GAL: variants seen among roughly 807,000 people sequenced by gnomAD.
The protein encoded by GAL is galanin and GMAP prepropeptide, also known as galanin peptides.
A neutral mutation model predicts 15.8 loss-of-function variants in GAL; 14 were observed. The observed-to-expected ratio is 0.89, with a 90% CI of 0.59 to 1.39. The LOEUF (loss-of-function observed/expected upper bound fraction) is 1.39. GAL is among the 40% of genes most tolerant of loss of function. The probability of loss-of-function intolerance (pLI) is 0.00; values close to 1 mark genes in which losing one functional copy is unlikely to be tolerated. For synonymous variants in GAL, 79 were observed against 73.8 expected, an observed-to-expected ratio of 1.07 and a Z score of -0.36; for missense variants, 176 against 170.4, an observed-to-expected ratio of 1.03 and a Z score of -0.18.
intron 3 of GAL, among the ~76,000 whole-genome samples, chr11:68,685,927 G>C (rs1232407826): frequency 6.6e-6 from 1 of 152,172 alleles, no homozygotes; most frequent in Non-Finnish European, 1.5e-5. Context: ...TACAGGCCCT[G>C]TTCTGGGCCT....
chr11:68,685,473 G>A, intron 2 of GAL, 121 bp from the exon 3 acceptor site: 6 of 707,254 alleles, frequency 8.5e-6, no homozygotes, highest in Non-Finnish European at 1.6e-5. Flanking sequence ...AATTTCGCGA[G>A]CTATCCAAAA....
At chr11:68,688,411 C>T (rs950451678) in intron 4 of GAL, among the ~76,000 whole-genome samples, 9 of 152,188 alleles carry the variant, frequency 5.9e-5, no homozygotes, top group African/African-American at 2.2e-4. Flanking sequence ...GGTGGATCAC[C>T]TGAGGTCTGG....
At position 68,691,009 on chromosome 11, in the gene GAL, C is replaced by G. The variant is rs1157033676; in HGVS notation, c.*22C>G. The G allele has an allele frequency of 6.7e-7, 1 of 1,487,176 alleles. No homozygotes were observed. Among genetic ancestry groups the G allele is most frequent in the South Asian group, 1.1e-5 (1 of 88,636 alleles). 92.1% of individuals were successfully genotyped at this position (1,487,176 alleles called of 1,614,324 possible). ...CTGAGAGCCTCCTGGGCATGTTTGT[C>G]TGTGTGCTGTAACCTGAAGTCAAAC... On this transcript the variant is annotated 3_prime_UTR_variant, in exon 6 of 6. Transcript: ENST00000265643.
intron 5 of GAL, among the ~76,000 whole-genome samples, chr11:68,689,581 GAGGCTGGGGTTCATCATGTTGGCC>G (rs1945886897): frequency 6.6e-6 from 1 of 152,142 alleles, no homozygotes; most frequent in African/African-American, 2.4e-5. Context: ...ATTTTTAGTA[GAGGCTGGGGTTCATCATGTTGGCC>G]AGGCTCATCT....
At chr11:68,687,608 G>T (rs1945865901) in intron 3 of GAL, among the ~76,000 whole-genome samples, 1 of 152,114 alleles carries the variant, frequency 6.6e-6, no homozygotes, top group Non-Finnish European at 1.5e-5. Context: ...CGTCCCCCAT[G>T]CTTTCAGGGA....
rs944932742 is a variant in GAL, at chr11:68,688,700, A to G, written c.224-149A>G. On this transcript the variant is annotated intron_variant, in intron 4 of 5. Coordinates refer to ENST00000265643, the MANE Select transcript of GAL (RefSeq NM_015973.5). ...TCTCCCCAACTCCCTCACATTGAAC[A>G]AGGGCCTTGGAAAGCACAGCAGGGC... The G allele has an allele frequency of 4.9e-6, 3 of 608,964 alleles. No homozygotes were observed. In the African/African-American group the frequency reaches 5.6e-5, roughly 11 times the overall value. 37.7% of individuals were successfully genotyped at this position (608,964 alleles called of 1,614,324 possible).
At chr11:68,690,821 G>T in intron 5 of GAL, 96 bp from the exon 6 acceptor site, 2 of 808,960 alleles carry the variant, frequency 2.5e-6, no homozygotes, top group South Asian at 1.4e-5. Context: ...TACAGAGGAC[G>T]ACCACACGCC....
rs80069040 is a variant in GAL, at chr11:68,691,116, C to T, written c.*129C>T. ...CTTTGCCTTGATGTTGTGTTGTTAT[C>T]ATTTAAGATTTTTTTTTTTTGGTAA... is the stretch of plus-strand genomic sequence containing the variant. On this transcript the variant is annotated 3_prime_UTR_variant, in exon 6 of 6. Coordinates refer to ENST00000265643, the MANE Select transcript of GAL (RefSeq NM_015973.5). 0.015 allele frequency: 8,927 copies of T among 615,040 alleles called. 588 individuals carry two copies. The African/African-American group carries it at 0.15, about 10-fold the overall frequency. The allele number at this position is 615,040 out of a possible 1,614,324, so 38.1% of individuals were successfully genotyped here.
At position 68,688,879 on chromosome 11, in the gene GAL, A is replaced by G. The variant is rs749986120; in HGVS notation, c.254A>G (p.Asn85Ser). ...GSFDRSIPEN[N>S]IMRTIIEFLS... ...TTTGACAGGTCCATACCTGAAAACA[A>G]TATCATGCGCACAATCATTGAGTTT... Residue 85 changes from asparagine to serine, a missense_variant, in exon 5 of 6, where the codon AAT (asparagine) becomes AGT (serine). Asn to Ser is a conservative substitution (Grantham distance 46). Coordinates refer to ENST00000265643, the MANE Select transcript of GAL (RefSeq NM_015973.5). 1 of 1,574,210 alleles carries G rather than the reference A, an allele frequency of 6.4e-7. No individual in the cohort carries two copies. Among genetic ancestry groups the G allele is most frequent in the Non-Finnish European group, 8.7e-7 (1 of 1,143,640 alleles).
intron 2 of GAL, among the ~76,000 whole-genome samples, chr11:68,685,236 G>GGGAGAGCTCTGCGCT (rs796659791): frequency 6.6e-6 from 1 of 152,186 alleles, no homozygotes; most frequent in Non-Finnish European, 1.5e-5. Context: ...CCAGGCCGCC[G>GGGAGAGCTCTGCGCT]GGAGAGCTCT....
chr11:68,685,845 C>T (rs1945847691), intron 3 of GAL, among the ~76,000 whole-genome samples, 197 bp downstream of exon 3: 1 of 152,222 alleles, frequency 6.6e-6, no homozygotes, highest in Non-Finnish European at 1.5e-5. Context: ...GGCTCTGCCG[C>T]CCTGTCCCGG....
chr11:68,686,678 A>G (rs1034293689), intron 3 of GAL, among the ~76,000 whole-genome samples: 1 of 152,126 alleles, frequency 6.6e-6, no homozygotes, highest in Non-Finnish European at 1.5e-5. Flanking sequence ...GCTGTTCACC[A>G]CAGAGCCTGC....
chr11:68,690,872 G>T, intron 5 of GAL, 45 bp from the exon 6 acceptor site: 1 of 1,204,640 alleles, frequency 8.3e-7, no homozygotes, highest in Non-Finnish European at 1.2e-6. Context: ...TCTCTCATGT[G>T]CATATTAAGA....
chr11:68,688,977 G>T (rs764879345), intron 5 of GAL, 51 bp downstream of exon 5: 24 of 886,510 alleles, frequency 2.7e-5, no homozygotes, highest in Non-Finnish European at 4.2e-5. Context: ...CACTGGAAAC[G>T]TAAAAGGCCC....
At chr11:68,686,535 A>T (rs3136538) in intron 3 of GAL, among the ~76,000 whole-genome samples, 88,311 of 152,108 alleles carry the variant, frequency 0.58, 26,290 homozygotes, top group East Asian at 0.79. Context: ...TCTCAGTCCC[A>T]GAGTCGAATA....
chr11:68,685,310 T>A (rs1164093799), intron 2 of GAL, among the ~76,000 whole-genome samples: 1 of 152,242 alleles, frequency 6.6e-6, no homozygotes, highest in East Asian at 1.9e-4. Flanking sequence ...TTAGTTAGAA[T>A]GGAGGGCTAG....
chr11:68,688,960 C>T, intron 5 of GAL, 34 bp downstream of exon 5: 1 of 995,970 alleles, frequency 1.0e-6, no homozygotes, highest in Non-Finnish European at 1.6e-6. Context: ...ACATTCATCT[C>T]TTAGTACACT....
At chr11:68,684,876 G>T in intron 1 of GAL, 48 bp from the exon 2 acceptor site, 1 of 1,200,512 alleles carries the variant, frequency 8.3e-7, no homozygotes. Context: ...GCCTCGGGGC[G>T]CAGCCCACTC....
Position 68,691,088 on chromosome 11 carries a change from T to C in GAL, c.*101T>C. On this transcript the variant is annotated 3_prime_UTR_variant, in exon 6 of 6. Coordinates refer to ENST00000265643, the MANE Select transcript of GAL (RefSeq NM_015973.5). ...TTTATGCAGAGTCAGCCATTCCTGT[T>C]CTCTTTGCCTTGATGTTGTGTTGTT... The C allele has an allele frequency of 1.3e-6, 1 of 761,944 alleles. No homozygotes were observed. 47.2% of individuals were successfully genotyped at this position (761,944 alleles called of 1,614,324 possible). A position where few individuals can be genotyped will look rare whatever the true frequency, so the allele number is the denominator to read the frequency against.
Sources: allele counts gnomAD v4.1 joint callset (sites outside exome capture counted in the v4.1 genomes callset), GRCh38; gene constraint gnomAD v4.1.1; transcripts MANE v1.5; gene names NCBI Gene and HGNC (gene_info 2026-07-23, HGNC 2026-07-21).